The following SLC15A1 variants were observed in gnomAD, a reference collection of about 807,000 sequenced individuals.
SLC15A1 encodes the protein Caco-2 oligopeptide transporter.
SLC15A1 carries 83 observed loss-of-function variants against 92.9 expected under a neutral mutation model. The observed-to-expected ratio is 0.89, with a 90% CI of 0.75 to 1.07. The LOEUF (loss-of-function observed/expected upper bound fraction) is 1.07, where lower values mean the gene tolerates loss of function less well. SLC15A1 is among the 50% of genes least tolerant of loss of function. The pLI is 0.00. For missense variants in SLC15A1, 857 were observed against 880.1 expected (o/e 0.97, Z 0.33); for synonymous variants, 322 against 318.2 (o/e 1.01, Z -0.13).
chr13:98,738,428 G>A (rs568509091), intron 1 of SLC15A1, among the ~76,000 whole-genome samples: 4 of 152,378 alleles, frequency 2.6e-5, no homozygotes, highest in Non-Finnish European at 4.4e-5. Context: ...GGGCCCAGAG[G>A]CCTAGAAGGG....
chr13:98,749,010 G>T (rs921429136), intron 1 of SLC15A1, among the ~76,000 whole-genome samples: 4 of 152,218 alleles, frequency 2.6e-5, no homozygotes, highest in African/African-American at 9.7e-5. Flanking sequence ...TAGCCCAAAA[G>T]AACCCAATGT....
At chr13:98,735,393 A>G (rs1177023194) in intron 1 of SLC15A1, among the ~76,000 whole-genome samples, 2 of 152,238 alleles carry the variant, frequency 1.3e-5, no homozygotes, top group Non-Finnish European at 2.9e-5. Context: ...CTGAATGGGC[A>G]ACAACTGGAA....
chr13:98,717,009 A>G (rs1466647426), intron 8 of SLC15A1, among the ~76,000 whole-genome samples: 1 of 152,232 alleles, frequency 6.6e-6, no homozygotes, highest in Non-Finnish European at 1.5e-5. Flanking sequence ...ACATAATGAG[A>G]TCCTATCTCT....
chr13:98,696,646 C>CA (rs1302438058), intron 18 of SLC15A1, among the ~76,000 whole-genome samples: 1 of 152,114 alleles, frequency 6.6e-6, no homozygotes, highest in African/African-American at 2.4e-5. Flanking sequence ...TGACCACTGT[C>CA]AGTGTGTTTC....
In SLC15A1 at chr13:98,752,594, C is replaced by A; in HGVS notation, c.4+1G>T. ...GCCGGCCCCCCACCCGCCGAGCGTACCCATGGCGGCGGCTCCCAGGGCTCC... is the reference window on the plus strand; with the variant it reads ...GCCGGCCCCCCACCCGCCGAGCGTAACCATGGCGGCGGCTCCCAGGGCTCC... On this transcript the variant is annotated splice_donor_variant, in intron 1 of 22. Coordinates refer to ENST00000376503, the MANE Select transcript of SLC15A1 (RefSeq NM_005073.4). LOFTEE classifies it high-confidence loss of function. 3.2e-6 allele frequency: 4 copies of A among 1,257,198 alleles called. No individual in the cohort carries two copies. Among genetic ancestry groups the A allele is most frequent in the Non-Finnish European group, 3.0e-6 (3 of 1,001,020 alleles). 77.9% of individuals were successfully genotyped at this position (1,257,198 alleles called of 1,614,324 possible).
intron 5 of SLC15A1, among the ~76,000 whole-genome samples, chr13:98,723,227 G>A (rs369092246): frequency 3.3e-4 from 50 of 152,284 alleles, no homozygotes; most frequent in African/African-American, 1.2e-3. Context: ...TGCATCAAGA[G>A]ATCCAGTCTG....
Position 98,724,780 on chromosome 13 carries a change from T to G in SLC15A1, c.246-749A>C, listed in dbSNP as rs150409805. On this transcript the variant is annotated intron_variant, in intron 4 of 22. Coordinates refer to ENST00000376503, the MANE Select transcript of SLC15A1 (RefSeq NM_005073.4). ...GAGCCACCGCACCCAGCCTATATTT[T>G]TAAACAGTAAGAATTACTTATATTC... 8.2e-4 allele frequency among the ~76,000 whole-genome samples: 125 copies of G among 152,344 alleles called. 1 individual carries two copies. Among genetic ancestry groups the G allele is most frequent in the African/African-American group, 2.9e-3 (122 of 41,574 alleles).
intron 1 of SLC15A1, among the ~76,000 whole-genome samples, chr13:98,745,554 G>A (rs1270238181): frequency 1.3e-5 from 2 of 152,158 alleles, no homozygotes; most frequent in African/African-American, 4.8e-5. Flanking sequence ...AAGAGGAAAA[G>A]TGACACAGAG....
At chr13:98,750,819 T>C (rs1006758855) in intron 1 of SLC15A1, among the ~76,000 whole-genome samples, 3 of 151,800 alleles carry the variant, frequency 2.0e-5, no homozygotes, top group African/African-American at 7.3e-5. Flanking sequence ...TGGCACCACG[T>C]TGGCTCACTG....
At chr13:98,685,115 A>G (rs2087920029) in intron 22 of SLC15A1, among the ~76,000 whole-genome samples, 200 bp from the exon 23 acceptor site, 1 of 152,238 alleles carries the variant, frequency 6.6e-6, no homozygotes, top group African/African-American at 2.4e-5. Flanking sequence ...AGATGCTAAT[A>G]TAGACAACAT....
At chr13:98,717,757 T>C (rs753967120) in intron 8 of SLC15A1, among the ~76,000 whole-genome samples, 2 of 152,186 alleles carry the variant, frequency 1.3e-5, no homozygotes, top group Admixed American at 1.3e-4. Context: ...TCCTATTCCA[T>C]GTACTACTAA....
In SLC15A1 at chr13:98,716,431, G is replaced by A. The variant is rs2088211679; in HGVS notation, c.641-471C>T. ...GAGGTCAGGAGTTTGAGACCAGCCT[G>A]ACCAACATGGTGAAAACCCGTCTCT... is the stretch of plus-strand genomic sequence containing the variant. On this transcript the variant is annotated intron_variant, in intron 8 of 22. Transcript: ENST00000376503. Among the ~76,000 whole-genome samples the A allele has an allele frequency of 2.0e-5, 3 of 152,168 alleles. No individual in the cohort carries two copies. In the South Asian group the frequency reaches 6.2e-4, roughly 32 times the overall value.
intron 9 of SLC15A1, among the ~76,000 whole-genome samples, chr13:98,713,821 C>T (rs1423892176): frequency 2.0e-5 from 3 of 151,970 alleles, no homozygotes; most frequent in Non-Finnish European, 2.9e-5. Flanking sequence ...CTGAGGTGGG[C>T]GGATCACTTG....
chr13:98,709,717 T>G, intron 13 of SLC15A1, 25 bp downstream of exon 13: 1 of 1,614,214 alleles, frequency 6.2e-7, no homozygotes, highest in African/African-American at 1.3e-5. Flanking sequence ...CTCTGATCCC[T>G]GAAAGCAACT....
chr13:98,710,760 A>G (rs2088154553), intron 11 of SLC15A1, among the ~76,000 whole-genome samples: 1 of 141,852 alleles, frequency 7.0e-6, no homozygotes, highest in Non-Finnish European at 1.5e-5. Flanking sequence ...GTGAGCCAAG[A>G]TAGTGCCACT....
intron 1 of SLC15A1, among the ~76,000 whole-genome samples, chr13:98,739,854 CA>C (rs2139607823): frequency 6.6e-6 from 1 of 152,302 alleles, no homozygotes; most frequent in East Asian, 1.9e-4. Context: ...CACTTCATCT[CA>C]GGAAGACAAC....
rs1478841566 is a variant in SLC15A1 at position 98,706,333 on chromosome 13, T to C, written c.1150-80A>G. ...CATCTTAACCCTGACAAGGGGGTGC[T>C]TTCCTCCAGCTGGGAAAAGCTGCGC... On this transcript the variant is annotated intron_variant, in intron 15 of 22. Coordinates refer to ENST00000376503, the MANE Select transcript of SLC15A1 (RefSeq NM_005073.4). 4 of 1,530,188 alleles carry C rather than the reference T, an allele frequency of 2.6e-6. No homozygotes were observed. The African/African-American group carries it at 5.6e-5, about 21-fold the overall frequency. 94.8% of individuals were successfully genotyped at this position (1,530,188 alleles called of 1,614,324 possible). A position where few individuals can be genotyped will look rare whatever the true frequency, so the allele number is the denominator to read the frequency against.
intron 18 of SLC15A1, among the ~76,000 whole-genome samples, chr13:98,696,528 A>T (rs1372281263): frequency 1.3e-5 from 2 of 152,216 alleles, no homozygotes; most frequent in Non-Finnish European, 2.9e-5. Flanking sequence ...AGGTTAGGAA[A>T]CATTCCTGAA....
At chr13:98,702,247 A>G (rs769155223) in intron 18 of SLC15A1, among the ~76,000 whole-genome samples, 4 of 152,182 alleles carry the variant, frequency 2.6e-5, no homozygotes, top group Non-Finnish European at 5.9e-5. Context: ...GCTGAATTTT[A>G]TCAAATGCTT....
Sources: gnomAD v4.1 joint callset for allele counts (sites outside exome capture counted in the v4.1 genomes callset) on GRCh38, gnomAD v4.1.1 for gene constraint, MANE v1.5 for transcripts, NCBI Gene and HGNC (gene_info 2026-07-23, HGNC 2026-07-21) for gene names.